The following SORCS1 variants were observed in gnomAD, a reference collection of about 807,000 sequenced individuals.
The protein encoded by SORCS1 is VPS10 domain-containing receptor SorCS1.
SORCS1 carries 60 observed loss-of-function variants against 146.1 expected under a neutral mutation model. The ratio of observed to expected loss-of-function variants is 0.41; its 90% CI spans 0.33 to 0.51. The LOEUF is 0.51. Ranked by LOEUF, SORCS1 falls within the 20% of genes least tolerant of loss-of-function variation. The pLI is 0.21. For missense variants in SORCS1, 1,352 were observed against 1,487.6 expected (o/e 0.91, Z 1.50); for synonymous variants, 637 against 584.0 (o/e 1.09, Z -1.31).
At chr10:106,601,362 C>T (rs1431194174) in intron 23 of SORCS1, among the ~76,000 whole-genome samples, 4 of 152,242 alleles carry the variant, frequency 2.6e-5, no homozygotes, top group Admixed American at 6.5e-5. Context: ...TTCTATTCCA[C>T]ATCAGCTAAA....
At chr10:107,159,526 C>A (rs771792446) in intron 1 of SORCS1, among the ~76,000 whole-genome samples, 12 of 152,052 alleles carry the variant, frequency 7.9e-5, no homozygotes, top group Non-Finnish European at 1.6e-4. Context: ...TGAGCATTTA[C>A]TAGGAATAAA....
At chr10:107,081,590 C>T (rs1012247126) in intron 1 of SORCS1, among the ~76,000 whole-genome samples, 3 of 152,094 alleles carry the variant, frequency 2.0e-5, no homozygotes, top group African/African-American at 4.8e-5. Flanking sequence ...GAAAAAGCTA[C>T]TAATAGTTCA....
At chr10:107,174,380 T>C in the SORCS1 span, among the ~76,000 whole-genome samples, 1 of 152,112 alleles carries the variant, frequency 6.6e-6, no homozygotes, top group East Asian at 1.9e-4. Context: ...TAATTTTTTG[T>C]ATTTTGTTTA....
chr10:107,100,712 T>C (rs1405231123), intron 1 of SORCS1, among the ~76,000 whole-genome samples: 1 of 152,190 alleles, frequency 6.6e-6, no homozygotes, highest in Non-Finnish European at 1.5e-5. Flanking sequence ...GGCTGGATCT[T>C]GATTACTCTC....
At chr10:106,885,517 C>A (rs560373134) in intron 2 of SORCS1, among the ~76,000 whole-genome samples, 4 of 152,292 alleles carry the variant, frequency 2.6e-5, no homozygotes, top group Non-Finnish European at 4.4e-5. Context: ...CTTACAAGAA[C>A]TCTTCTTTCA....
intron 1 of SORCS1, among the ~76,000 whole-genome samples, chr10:106,999,637 C>T (rs1380698288): frequency 6.6e-6 from 1 of 152,150 alleles, no homozygotes; most frequent in Non-Finnish European, 1.5e-5. Context: ...TTTCCATTTG[C>T]ACCAGCAGAA....
chr10:106,871,107 A>G (rs1950392345), intron 2 of SORCS1, among the ~76,000 whole-genome samples: 1 of 152,198 alleles, frequency 6.6e-6, no homozygotes, highest in African/African-American at 2.4e-5. Flanking sequence ...AAAAAGATCA[A>G]TATCATTGAT....
rs1233064874 is a variant in SORCS1, at chr10:106,674,542, C to G, written c.1940+507G>C. Among the ~76,000 whole-genome samples the G allele has an allele frequency of 2.6e-5, 4 of 152,098 alleles. No individual in the cohort carries two copies. In the East Asian group the frequency reaches 7.7e-4, roughly 29 times the overall value. ...AAGTCCATGTATTGAAACCCATAGGCAGCGTCATTAATCTTTCACAAATTA... is the reference window on the plus strand; with the variant it reads ...AAGTCCATGTATTGAAACCCATAGGGAGCGTCATTAATCTTTCACAAATTA... On this transcript the variant is annotated intron_variant, in intron 14 of 25. Coordinates refer to ENST00000263054, the MANE Select transcript of SORCS1 (RefSeq NM_052918.5).
chr10:106,728,194 G>A (rs1438905346), intron 6 of SORCS1, among the ~76,000 whole-genome samples: 1 of 152,136 alleles, frequency 6.6e-6, no homozygotes, highest in Non-Finnish European at 1.5e-5. Context: ...ACCACACTCA[G>A]CTAATTTTTG....
intron 1 of SORCS1, among the ~76,000 whole-genome samples, chr10:107,163,363 T>C (rs939647348): frequency 6.6e-6 from 1 of 152,210 alleles, no homozygotes; most frequent in Non-Finnish European, 1.5e-5. Flanking sequence ...CGCTTAGCGC[T>C]GTTAGAAGAT....
At chr10:107,125,348 AATG>A (rs1044411755) in intron 1 of SORCS1, among the ~76,000 whole-genome samples, 106 of 152,340 alleles carry the variant, frequency 7.0e-4, no homozygotes, top group African/African-American at 2.5e-3. Context: ...CAAGGATTAT[AATG>A]ATATTTGACT....
chr10:106,666,927 CCTAA>C (rs1259278973), intron 17 of SORCS1, among the ~76,000 whole-genome samples: 1 of 152,010 alleles, frequency 6.6e-6, no homozygotes, highest in Non-Finnish European at 1.5e-5. Context: ...TCTGGAAAGC[CCTAA>C]CTAATACATT....
chr10:106,592,971 C>T (rs1425768843), intron 24 of SORCS1, among the ~76,000 whole-genome samples: 6 of 151,944 alleles, frequency 3.9e-5, no homozygotes, highest in African/African-American at 1.2e-4. Flanking sequence ...AACCCTGTCT[C>T]TACCAAAAAC....
intron 1 of SORCS1, among the ~76,000 whole-genome samples, chr10:107,059,384 T>A (rs1445764041): frequency 6.6e-6 from 1 of 152,216 alleles, no homozygotes; most frequent in African/African-American, 2.4e-5. Context: ...TTTTCAATGT[T>A]CTTTATTTCA....
chr10:106,924,750 A>G (rs11193108), intron 2 of SORCS1, among the ~76,000 whole-genome samples: 76,112 of 143,186 alleles, frequency 0.53, 21,442 homozygotes, highest in Non-Finnish European at 0.63. Context: ...CAATTTTTAC[A>G]TTTAACTGCA....
At chr10:106,993,509 T>C (rs1210492139) in intron 1 of SORCS1, among the ~76,000 whole-genome samples, 1 of 152,196 alleles carries the variant, frequency 6.6e-6, no homozygotes, top group East Asian at 1.9e-4. Context: ...TGAATTAGAA[T>C]TTTTGACTTC....
chr10:106,917,069 T>A (rs1402369716), intron 2 of SORCS1, among the ~76,000 whole-genome samples: 1 of 152,178 alleles, frequency 6.6e-6, no homozygotes, highest in Non-Finnish European at 1.5e-5. Flanking sequence ...TTTTTTATCC[T>A]GTCATTTTTC....
chr10:106,599,519 G>A (rs907045403), intron 23 of SORCS1, among the ~76,000 whole-genome samples: 2 of 152,180 alleles, frequency 1.3e-5, no homozygotes, highest in East Asian at 3.8e-4. Flanking sequence ...GAATCAGACA[G>A]TGGAGTTTTT....
intron 1 of SORCS1, among the ~76,000 whole-genome samples, chr10:107,127,825 A>G (rs930614260): frequency 6.6e-6 from 1 of 152,192 alleles, no homozygotes; most frequent in African/African-American, 2.4e-5. Context: ...AATGGAGTGA[A>G]TGTGGCAATA....
Sources: allele counts gnomAD v4.1 joint callset (sites outside exome capture counted in the v4.1 genomes callset), GRCh38; gene constraint gnomAD v4.1.1; transcripts MANE v1.5; gene names NCBI Gene and HGNC (gene_info 2026-07-23, HGNC 2026-07-21).